Variants in AGBL4 observed in about 807,000 individuals in gnomAD.
The protein encoded by AGBL4 is cytosolic carboxypeptidase 6.
Under a neutral mutation model 66.4 loss-of-function variants are expected in AGBL4, and 58 were observed. That is an observed-to-expected ratio of 0.87 (90% CI 0.71 to 1.09). AGBL4 has a LOEUF of 1.09. AGBL4 is among the 50% of genes least tolerant of loss of function. The probability of loss-of-function intolerance (pLI) is 0.00; values close to 1 mark genes in which losing one functional copy is unlikely to be tolerated. For missense variants in AGBL4, 579 were observed against 631.0 expected, an observed-to-expected ratio of 0.92 and a Z score of 0.88; for synonymous variants, 234 against 222.9, an observed-to-expected ratio of 1.05 and a Z score of -0.44.
chr1:49,792,875 T>A (rs1257017494), intron 2 of AGBL4, among the ~76,000 whole-genome samples: 2 of 152,202 alleles, frequency 1.3e-5, no homozygotes, highest in South Asian at 4.1e-4. Context: ...ATATGAAGAT[T>A]TGTTAGACTC....
chr1:49,203,395 T>G (rs1482660338), intron 4 of AGBL4, among the ~76,000 whole-genome samples: 2 of 152,070 alleles, frequency 1.3e-5, no homozygotes, highest in African/African-American at 2.4e-5. Flanking sequence ...AATGAATGAA[T>G]AAAGAAAATA....
intron 3 of AGBL4, among the ~76,000 whole-genome samples, chr1:49,283,347 C>A (rs566842503): frequency 2.0e-5 from 3 of 152,158 alleles, no homozygotes; most frequent in African/African-American, 7.2e-5. Flanking sequence ...ACAGAAAGGA[C>A]ATCCACACCA....
intron 10 of AGBL4, 127 bp downstream of exon 10, chr1:48,590,706 C>T: frequency 9.3e-7 from 1 of 1,074,022 alleles, no homozygotes. Context: ...TCTTCATCAC[C>T]CACACAATAC....
intron 4 of AGBL4, among the ~76,000 whole-genome samples, chr1:49,111,230 C>T (rs1208064718): frequency 6.6e-6 from 1 of 151,792 alleles, no homozygotes; most frequent in Non-Finnish European, 1.5e-5. Flanking sequence ...TCTCCTGCTT[C>T]AGCCTCCCAA....
At chr1:48,693,666 G>A (rs528013800) in intron 6 of AGBL4, among the ~76,000 whole-genome samples, 11 of 152,214 alleles carry the variant, frequency 7.2e-5, no homozygotes, top group South Asian at 2.1e-4. Context: ...TCACAAGACC[G>A]CTGGCCAAAA....
At chr1:48,985,132 C>T (rs1307790133) in intron 5 of AGBL4, among the ~76,000 whole-genome samples, 1 of 152,034 alleles carries the variant, frequency 6.6e-6, no homozygotes, top group East Asian at 1.9e-4. Context: ...GGACATAAGA[C>T]AATGAAGGTC....
chr1:48,539,333 A>G (rs1456550709), intron 12 of AGBL4, among the ~76,000 whole-genome samples: 1 of 152,228 alleles, frequency 6.6e-6, no homozygotes, highest in Admixed American at 6.5e-5. Flanking sequence ...CAGGAGAGGT[A>G]GCACATAGAA....
At chr1:49,531,795 CT>C (rs1419285043) in intron 3 of AGBL4, among the ~76,000 whole-genome samples, 5 of 152,036 alleles carry the variant, frequency 3.3e-5, no homozygotes, top group Admixed American at 6.6e-5. Flanking sequence ...TTTTCCTACA[CT>C]AGCACGTTAC....
intron 11 of AGBL4, among the ~76,000 whole-genome samples, chr1:48,567,075 C>T (rs1036979734): frequency 6.6e-6 from 1 of 152,198 alleles, no homozygotes; most frequent in African/African-American, 2.4e-5. Flanking sequence ...ACTAATACAG[C>T]CACTTACTGT....
At chr1:49,684,223 T>C (rs1188401605) in intron 3 of AGBL4, among the ~76,000 whole-genome samples, 1 of 152,192 alleles carries the variant, frequency 6.6e-6, no homozygotes, top group Non-Finnish European at 1.5e-5. Context: ...ACCCATAAAA[T>C]TTTACATAAA....
chr1:48,990,235 AT>A (rs975758406), intron 5 of AGBL4, among the ~76,000 whole-genome samples: 6 of 151,354 alleles, frequency 4.0e-5, no homozygotes, highest in Admixed American at 6.6e-5. Context: ...GATTATTTAG[AT>A]TTTTTTTTCC....
chr1:49,841,371 CA>C (rs1248759078), intron 2 of AGBL4, among the ~76,000 whole-genome samples: 2 of 152,142 alleles, frequency 1.3e-5, no homozygotes, highest in African/African-American at 4.8e-5. Context: ...AAAGACATAC[CA>C]TGCTCATTGA....
intron 1 of AGBL4, among the ~76,000 whole-genome samples, chr1:49,909,920 A>C (rs1650648834): frequency 6.6e-6 from 1 of 152,208 alleles, no homozygotes; most frequent in South Asian, 2.1e-4. Flanking sequence ...GGAGAAAATC[A>C]AAAGTTTATG....
At chr1:49,752,262 C>A (rs768331882) in intron 2 of AGBL4, among the ~76,000 whole-genome samples, 5 of 152,142 alleles carry the variant, frequency 3.3e-5, no homozygotes, top group Non-Finnish European at 7.4e-5. Context: ...CCCAGAGATT[C>A]TGGTACATTG....
At chr1:49,815,045 T>C (rs1401504734) in intron 2 of AGBL4, among the ~76,000 whole-genome samples, 15 of 152,152 alleles carry the variant, frequency 9.9e-5, no homozygotes, top group Admixed American at 9.8e-4. Context: ...CTTTTAGTTA[T>C]TTTAAAATGT....
At chr1:48,965,761 A>G (rs1658368764) in intron 5 of AGBL4, among the ~76,000 whole-genome samples, 1 of 152,160 alleles carries the variant, frequency 6.6e-6, no homozygotes, top group South Asian at 2.1e-4. Flanking sequence ...GACAACTTAT[A>G]TTTGCCTGCT....
intron 8 of AGBL4, among the ~76,000 whole-genome samples, chr1:48,643,805 C>T (rs1645795201): frequency 6.6e-6 from 1 of 152,190 alleles, no homozygotes; most frequent in Non-Finnish European, 1.5e-5. Context: ...GGGCCTAGCC[C>T]CTCCTAGCAT....
intron 4 of AGBL4, among the ~76,000 whole-genome samples, chr1:49,182,835 C>A (rs1646953064): frequency 6.6e-6 from 1 of 152,034 alleles, no homozygotes; most frequent in Non-Finnish European, 1.5e-5. Context: ...ATTCATTTTT[C>A]CTGTAGACCT....
intron 6 of AGBL4, among the ~76,000 whole-genome samples, chr1:48,712,082 TTC>T (rs1200488570): frequency 6.6e-6 from 1 of 152,144 alleles, no homozygotes; most frequent in African/African-American, 2.4e-5. Flanking sequence ...GCTTCCTCCT[TTC>T]TCTCTGAATC....
Sources: gnomAD v4.1 joint callset for allele counts (sites outside exome capture counted in the v4.1 genomes callset) on GRCh38, gnomAD v4.1.1 for gene constraint, MANE v1.5 for transcripts, NCBI Gene and HGNC (gene_info 2026-07-23, HGNC 2026-07-21) for gene names.